POMGNT1: variants seen among roughly 807,000 people sequenced by gnomAD.
POMGNT1 encodes the protein protein O-linked-mannose beta-1,2-N-acetylglucosaminyltransferase 1.
POMGNT1 carries 67 observed loss-of-function variants against 95.6 expected under a neutral mutation model. The ratio of observed to expected loss-of-function variants is 0.70; its 90% CI spans 0.58 to 0.86. The LOEUF (loss-of-function observed/expected upper bound fraction) is 0.86, where lower values mean the gene tolerates loss of function less well. POMGNT1 is among the 40% of genes least tolerant of loss of function. The pLI is 0.00. For missense variants in POMGNT1, 719 were observed against 855.2 expected, an observed-to-expected ratio of 0.84 and a Z score of 1.99; for synonymous variants, 298 against 317.9, an observed-to-expected ratio of 0.94 and a Z score of 0.66.
At chr1:46,218,756 G>C (rs1259688057) in intron 1 of POMGNT1, among the ~76,000 whole-genome samples, 1 of 152,056 alleles carries the variant, frequency 6.6e-6, no homozygotes, top group East Asian at 1.9e-4. Context: ...CAGACAGGTA[G>C]ACTGGTGTGT....
At position 46,189,925 on chromosome 1, in the gene POMGNT1, CCT is replaced by C. The variant is rs1557669362; in HGVS notation, c.1712_1713del (p.Glu571GlyfsTer14). 2.5e-6 allele frequency: 4 copies of C among 1,614,006 alleles called. No individual in the cohort carries two copies. Among genetic ancestry groups the C allele is most frequent in the Non-Finnish European group, 3.4e-6 (4 of 1,180,016 alleles). On this transcript the variant is annotated frameshift_variant, in exon 20 of 22. Transcript: ENST00000371984. LOFTEE classifies it high-confidence loss of function. ...CGAATAAAGGCCACGTAGGTGTGGC[CCT>C]CTGTGTCTGGCAGGAAAGAGTCTTC... Reference protein sequence around the residue: ...PCEDSFLPDTEGHTYVAFIRM... With the variant: ...PCEDSFLPDTXGHTYVAFIRM...
rs1254559824 is a variant in POMGNT1, at chr1:46,189,971, G to A, written c.1668C>T (p.Asp556=). The A allele has an allele frequency of 1.2e-6, 2 of 1,614,012 alleles. No individual in the cohort carries two copies. The highest frequency in any genetic ancestry group is 4.5e-5 in the East Asian group (2 of 44,902). Residue 556 remains aspartate (D), a synonymous_variant, in exon 20 of 22, where the codon GAC becomes GAT. Coordinates refer to ENST00000371984, the MANE Select transcript of POMGNT1 (RefSeq NM_017739.4). Reference sequence around the variant, plus strand: ...AGTCTTCACAAGGGTTCTTGCTGTGGTCCAGAACCTCAGCCTCACTGCAGT... The same window carrying A: ...AGTCTTCACAAGGGTTCTTGCTGTGATCCAGAACCTCAGCCTCACTGCAGT... The part of the protein sequence containing the change: ...HRLLSEAEVL[D]HSKNPCEDSF...
chr1:46,215,056 C>T (rs979962828), intron 1 of POMGNT1, among the ~76,000 whole-genome samples: 3 of 151,784 alleles, frequency 2.0e-5, no homozygotes, highest in Admixed American at 6.6e-5. Context: ...GAAACCCTGT[C>T]TGTACTAAAG....
chr1:46,192,796 C>T, intron 14 of POMGNT1, 104 bp downstream of exon 14: 1 of 1,591,720 alleles, frequency 6.3e-7, no homozygotes, highest in South Asian at 1.1e-5. Context: ...AGGCTTCGCC[C>T]CCACTTGTGA....
intron 1 of POMGNT1, among the ~76,000 whole-genome samples, chr1:46,207,519 T>C (rs1346239422): frequency 2.0e-5 from 3 of 151,950 alleles, no homozygotes. Context: ...TTTGCCACAC[T>C]GAACTTTTCT....
chr1:46,203,665 T>A (rs1360085813), intron 1 of POMGNT1: 1 of 1,574,404 alleles, frequency 6.4e-7, no homozygotes, highest in Non-Finnish European at 8.6e-7. Flanking sequence ...GAGTCCCTAG[T>A]GTAGGGCCGG....
intron 5 of POMGNT1, 29 bp downstream of exon 5, chr1:46,195,983 C>T: frequency 3.1e-6 from 5 of 1,614,126 alleles, no homozygotes; most frequent in Non-Finnish European, 4.2e-6. Context: ...AGCTCCAGCC[C>T]TCTGGGTCAC....
At chr1:46,200,659 A>G (rs771505786), upstream of POMGNT1, among the ~76,000 whole-genome samples, 7 of 152,260 alleles carry the variant, frequency 4.6e-5, no homozygotes, top group Non-Finnish European at 7.3e-5. Context: ...GAATGTAACC[A>G]GTCACCTAGT....
intron 1 of POMGNT1, among the ~76,000 whole-genome samples, chr1:46,218,465 A>G (rs914854161): frequency 1.3e-5 from 2 of 152,268 alleles, no homozygotes; most frequent in African/African-American, 4.8e-5. Context: ...TTCACAGAGC[A>G]GAATGCTAGA....
At position 46,193,941 on chromosome 1, in the gene POMGNT1, C is replaced by T. The variant is rs1658001956; in HGVS notation, c.880-16G>A. ...TGTCTGGGAGCTGTGGGAGAAATAG[C>T]GTTTAGCTCTTGCCTTATTCCCCCT... On this transcript the variant is annotated splice_polypyrimidine_tract_variant and intron_variant, in intron 9 of 21. Transcript: ENST00000371984. 3.7e-6 allele frequency: 6 copies of T among 1,613,888 alleles called. No homozygotes were observed. Among genetic ancestry groups the T allele is most frequent in the African/African-American group, 1.3e-5 (1 of 75,044 alleles).
intron 1 of POMGNT1, chr1:46,219,667 A>G (rs1225216676): frequency 6.5e-7 from 1 of 1,540,922 alleles, no homozygotes; most frequent in South Asian, 1.3e-5. Flanking sequence ...ATGCCCCAGA[A>G]CTGGGACTAA....
At chr1:46,206,167 G>A (rs896387926) in intron 1 of POMGNT1, among the ~76,000 whole-genome samples, 3 of 152,230 alleles carry the variant, frequency 2.0e-5, no homozygotes, top group Admixed American at 6.5e-5. Flanking sequence ...CTTTAGGCAA[G>A]GAAGAATGCA....
Position 46,207,774 on chromosome 1 carries a change from G to A in POMGNT1, c.-50-9903C>T, listed in dbSNP as rs1042753228. Among the ~76,000 whole-genome samples, 19 of 150,668 alleles carry A rather than the reference G, an allele frequency of 1.3e-4. No individual in the cohort carries two copies. In the South Asian group the frequency reaches 2.3e-3, roughly 18 times the overall value. On this transcript the variant is annotated intron_variant, in intron 1 of 22. Transcript: ENST00000371992. ...AGGATGGTCTCGATCTCCTGACCTC[G>A]TGATCTGCCTGCCTCGGCCTCCCAA...
chr1:46,214,932 T>G (rs1431477154), intron 1 of POMGNT1, among the ~76,000 whole-genome samples: 1 of 140,028 alleles, frequency 7.1e-6, no homozygotes, highest in Admixed American at 7.3e-5. Flanking sequence ...AGAGCAAGTA[T>G]AGAAATAGAT....
In POMGNT1 at chr1:46,190,950, G is replaced by A. The variant is rs1428542481; in HGVS notation, c.1540-166C>T. ...ATCCTCTTTGCAGCATCCTCAGCAA[G>A]CTCTTACTAGCTTTAATTTGGCCTC... On this transcript the variant is annotated intron_variant, in intron 17 of 21. Transcript: ENST00000371984. The A allele has an allele frequency of 4.4e-6, 3 of 682,950 alleles. No individual in the cohort carries two copies. In the Admixed American group the frequency reaches 6.3e-5, roughly 14 times the overall value. 42.3% of individuals were successfully genotyped at this position (682,950 alleles called of 1,614,324 possible).
chr1:46,201,523 C>A (rs1192662822), upstream of POMGNT1, among the ~76,000 whole-genome samples: 2 of 151,032 alleles, frequency 1.3e-5, no homozygotes, highest in African/African-American at 4.9e-5. Flanking sequence ...CATGGTGAAA[C>A]CCCCGTCTCT....
intron 1 of POMGNT1, among the ~76,000 whole-genome samples, chr1:46,214,693 C>G (rs1659009312): frequency 6.6e-6 from 1 of 151,492 alleles, no homozygotes; most frequent in African/African-American, 2.4e-5. Context: ...TGGTGAAACC[C>G]CATCTCTACT....
rs1658202678 is a variant in POMGNT1, at chr1:46,195,927, G to A, written c.421-3C>T. Reference sequence around the variant, plus strand: ...ACACGTTTTGCCATCACGTGGCCCTGGCAGGGGATATACTTCTGGTGAGTT... The same window carrying A: ...ACACGTTTTGCCATCACGTGGCCCTAGCAGGGGATATACTTCTGGTGAGTT... On this transcript the variant is annotated splice_polypyrimidine_tract_variant and splice_region_variant and intron_variant, in intron 5 of 21. Transcript: ENST00000371984. The A allele has an allele frequency of 1.2e-6, 2 of 1,614,144 alleles. No homozygotes were observed. Among genetic ancestry groups the A allele is most frequent in the Non-Finnish European group, 1.7e-6 (2 of 1,180,014 alleles).
At chr1:46,213,065 T>TAG in intron 1 of POMGNT1, among the ~76,000 whole-genome samples, 1 of 152,250 alleles carries the variant, frequency 6.6e-6, no homozygotes, top group Admixed American at 6.5e-5. Flanking sequence ...TGATCAATGA[T>TAG]AGACTACATA....
Sources: gnomAD v4.1 joint callset for allele counts (sites outside exome capture counted in the v4.1 genomes callset) on GRCh38, gnomAD v4.1.1 for gene constraint, MANE v1.5 for transcripts, NCBI Gene and HGNC (gene_info 2026-07-23, HGNC 2026-07-21) for gene names.